STIMATE: variants seen among roughly 807,000 people sequenced by gnomAD.
STIMATE encodes store-operated calcium entry regulator STIMATE.
In STIMATE, 15 loss-of-function variants were observed where a neutral mutation model predicts 36.7. The ratio of observed to expected loss-of-function variants is 0.41; its 90% CI spans 0.27 to 0.63. The LOEUF is 0.63. STIMATE is among the 20% of genes least tolerant of loss of function. The pLI is 0.32. For missense variants in STIMATE, 305 were observed against 397.3 expected (o/e 0.77, Z 1.98); for synonymous variants, 163 against 162.3 (o/e 1.00, Z -0.03).
At chr3:52,847,079 A>ATTT in intron 4 of STIMATE, 2 of 332,538 alleles carry the variant, frequency 6.0e-6, no homozygotes, top group South Asian at 1.3e-4. Flanking sequence ...ATTAAAAAAA[A>ATTT]TTTTTTTTTT....
At chr3:52,844,264 A>G (rs1475571877) in intron 5 of STIMATE, among the ~76,000 whole-genome samples, 1 of 152,242 alleles carries the variant, frequency 6.6e-6, no homozygotes, top group African/African-American at 2.4e-5. Context: ...AAATCCAAAC[A>G]CAAATAAAAC....
intron 2 of STIMATE, among the ~76,000 whole-genome samples, chr3:52,852,914 G>A (rs1367098185): frequency 6.6e-6 from 1 of 152,140 alleles, no homozygotes; most frequent in Admixed American, 6.6e-5. Flanking sequence ...AAAGGTCAAG[G>A]ATTGATATTT....
chr3:52,880,754 G>C (rs750238124), intron 1 of STIMATE, among the ~76,000 whole-genome samples: 1 of 152,202 alleles, frequency 6.6e-6, no homozygotes, highest in African/African-American at 2.4e-5. Flanking sequence ...CATGGAATGA[G>C]CTGGCTGTTT....
intron 1 of STIMATE, among the ~76,000 whole-genome samples, chr3:52,864,512 T>C (rs1361960325): frequency 6.6e-6 from 1 of 152,214 alleles, no homozygotes. Flanking sequence ...CCTGGAGACA[T>C]TTTCCCCATG....
intron 3 of STIMATE, among the ~76,000 whole-genome samples, chr3:52,851,111 T>C (rs545565111): frequency 2.6e-4 from 39 of 152,250 alleles, no homozygotes; most frequent in South Asian, 6.2e-4. Flanking sequence ...CTGAAGGGCA[T>C]ACCACATGAA....
chr3:52,866,888 T>C (rs559735947), intron 1 of STIMATE, among the ~76,000 whole-genome samples: 20 of 152,324 alleles, frequency 1.3e-4, no homozygotes, highest in African/African-American at 4.8e-4. Flanking sequence ...AAAGCACAAC[T>C]GTCTTGAGAT....
intron 1 of STIMATE, among the ~76,000 whole-genome samples, chr3:52,857,604 C>T (rs1335742516): frequency 1.3e-5 from 2 of 152,068 alleles, no homozygotes; most frequent in Non-Finnish European, 2.9e-5. Flanking sequence ...GCGATGCATG[C>T]TGAAGTAACA....
chr3:52,842,706 G>A lies in STIMATE; in HGVS notation c.768+105C>T, dbSNP rs370544952. ...CTTCTCCTGCCCTCTGGCTCGCACT[G>A]TGACTCTGCACTCAAGGGAAGAACA... On this transcript the variant is annotated intron_variant, in intron 7 of 7. Transcript: ENST00000355083. The A allele has an allele frequency of 1.1e-3, 1,710 of 1,564,594 alleles. 31 individuals are homozygous for A. In the South Asian group the frequency reaches 0.02, roughly 18 times the overall value.
intron 1 of STIMATE, among the ~76,000 whole-genome samples, chr3:52,874,575 A>G (rs1251738232): frequency 6.6e-6 from 1 of 152,206 alleles, no homozygotes; most frequent in East Asian, 1.9e-4. Flanking sequence ...AACAACAAAA[A>G]AGAGGCTGGT....
In STIMATE at chr3:52,838,227, C is replaced by G. The variant is rs1700738493; in HGVS notation, c.*2267G>C. 6.6e-6 allele frequency: 1 copy of G among 152,192 alleles called. No homozygotes were observed. The highest frequency in any genetic ancestry group is 1.5e-5 in the Non-Finnish European group (1 of 68,052). The allele number at this position is 152,192 out of a possible 1,614,324, so 9.4% of individuals were successfully genotyped here. A position where few individuals can be genotyped will look rare whatever the true frequency, so the allele number is the denominator to read the frequency against. ...CTGCTCACTGGGAAGTGGGCAAAGC[C>G]TTCAGATGAGACCATCTGAGATCTA... On this transcript the variant is annotated 3_prime_UTR_variant, in exon 8 of 8. Transcript: ENST00000355083.
At chr3:52,876,480 T>C (rs1189770345) in intron 1 of STIMATE, among the ~76,000 whole-genome samples, 2 of 152,216 alleles carry the variant, frequency 1.3e-5, no homozygotes, top group African/African-American at 4.8e-5. Flanking sequence ...TTGAAGAACA[T>C]GAGTTTGAAC....
chr3:52,848,257 C>T (rs1185870797), intron 4 of STIMATE: 1 of 152,304 alleles, frequency 6.6e-6, no homozygotes, highest in Non-Finnish European at 1.5e-5. Context: ...GACATTCTGG[C>T]TTGAAGACTC....
At chr3:52,888,002 T>TTTG in intron 1 of STIMATE, among the ~76,000 whole-genome samples, 1 of 136,168 alleles carries the variant, frequency 7.3e-6, no homozygotes, top group Non-Finnish European at 1.6e-5. Context: ...CAGTTTTTTT[T>TTTG]TTTTTTTTTT....
At chr3:52,886,505 G>A (rs530172720) in intron 1 of STIMATE, among the ~76,000 whole-genome samples, 3 of 152,310 alleles carry the variant, frequency 2.0e-5, no homozygotes, top group East Asian at 1.9e-4. Context: ...GTTGACATAC[G>A]TGAAGCACTT....
In STIMATE at chr3:52,865,594, T is replaced by G. The variant is rs886606259; in HGVS notation, c.161-10150A>C. On this transcript the variant is annotated intron_variant, in intron 1 of 7. Transcript: ENST00000355083. ...ATAAACCCATCAGATCTCATGAGAC[T>G]TATTCACTACCACAAGAACAATGTG... Among the ~76,000 whole-genome samples, 4 of 144,270 alleles carry G rather than the reference T, an allele frequency of 2.8e-5. No individual in the cohort carries two copies. The East Asian group carries it at 8.4e-4, about 30-fold the overall frequency. The allele number at this position is 144,270 out of a possible 152,430, so 94.6% of individuals were successfully genotyped here.
In STIMATE at chr3:52,839,898, ATC is replaced by A. The variant is rs934438434; in HGVS notation, c.*594_*595del. 3 of 152,658 alleles carry A rather than the reference ATC, an allele frequency of 2.0e-5. No individual in the cohort carries two copies. Among genetic ancestry groups the A allele is most frequent in the Non-Finnish European group, 4.4e-5 (3 of 68,048 alleles). The allele number at this position is 152,658 out of a possible 1,614,324, so 9.5% of individuals were successfully genotyped here. On this transcript the variant is annotated 3_prime_UTR_variant, in exon 8 of 8. Coordinates refer to ENST00000355083, the MANE Select transcript of STIMATE (RefSeq NM_198563.5). ...CAAACAGCATACGGAAGACTTAAAA[ATC>A]TCTGTTTTGCCCATTAGTCCCGTAA...
chr3:52,847,271 G>C, intron 4 of STIMATE: 1 of 1,171,576 alleles, frequency 8.5e-7, no homozygotes, highest in Non-Finnish European at 1.1e-6. Flanking sequence ...GTTTTGTTTG[G>C]GTTTAATTAT....
At chr3:52,870,709 T>G (rs1192200213) in intron 1 of STIMATE, among the ~76,000 whole-genome samples, 2 of 152,034 alleles carry the variant, frequency 1.3e-5, no homozygotes, top group Non-Finnish European at 2.9e-5. Context: ...CAAGCGAGTC[T>G]TCTTCTCCCG....
At chr3:52,857,495 T>A (rs1403481141) in intron 1 of STIMATE, among the ~76,000 whole-genome samples, 1 of 152,166 alleles carries the variant, frequency 6.6e-6, no homozygotes, top group Non-Finnish European at 1.5e-5. Flanking sequence ...CCAGAGCCAC[T>A]GCATGCTCAT....
Sources: gnomAD v4.1 joint callset for allele counts (sites outside exome capture counted in the v4.1 genomes callset) on GRCh38, gnomAD v4.1.1 for gene constraint, MANE v1.5 for transcripts, NCBI Gene and HGNC (gene_info 2026-07-23, HGNC 2026-07-21) for gene names.